EYS: variants seen among roughly 807,000 people sequenced by gnomAD.
EYS encodes protein eyes shut homolog.
A neutral mutation model predicts 282.1 loss-of-function variants in EYS; 250 were observed. That is an observed-to-expected ratio of 0.89 (90% CI 0.80 to 0.98). The LOEUF (loss-of-function observed/expected upper bound fraction) is 0.98. Among genes scored for constraint, EYS ranks in the 50% least tolerant of loss-of-function variants. The pLI is 0.00. For synonymous variants in EYS, 1,355 were observed against 1,282.9 expected, an observed-to-expected ratio of 1.06 and a Z score of -1.20; for missense variants, 4,016 against 3,709.0, an observed-to-expected ratio of 1.08 and a Z score of -2.15.
At position 65,277,453 on chromosome 6, in the gene EYS, TA is replaced by T. The variant is rs71268363; in HGVS notation, c.2023+18409del. On this transcript the variant is annotated intron_variant, in intron 12 of 42. Transcript: ENST00000503581. The stretch of plus-strand genomic sequence containing the variant: ...TCAAAAAAAAAAAAAGTTAATTAAT[TA>T]AAAAAAAAAGCGCCCCGGAAAACTT... Among the ~76,000 whole-genome samples the T allele has an allele frequency of 8.1e-4, 111 of 136,536 alleles. 1 individual carries two copies. The highest frequency in any genetic ancestry group is 2.6e-3 in the African/African-American group (99 of 37,818). 89.6% of individuals were successfully genotyped at this position (136,536 alleles called of 152,430 possible).
At chr6:63,925,699 A>T (rs1312860055) in intron 35 of EYS, among the ~76,000 whole-genome samples, 1 of 152,208 alleles carries the variant, frequency 6.6e-6, no homozygotes, top group Non-Finnish European at 1.5e-5. Context: ...GCTGGAGTGC[A>T]GTGGCACGAT....
chr6:64,666,783 C>T (rs1769244670), intron 22 of EYS, among the ~76,000 whole-genome samples: 1 of 152,184 alleles, frequency 6.6e-6, no homozygotes, highest in South Asian at 2.1e-4. Context: ...AATAACCAGT[C>T]TGTTTATCCT....
chr6:65,072,868 T>G (rs950221876), intron 12 of EYS, among the ~76,000 whole-genome samples: 3 of 150,790 alleles, frequency 2.0e-5, no homozygotes, highest in African/African-American at 7.3e-5. Flanking sequence ...TTGAGAGAAA[T>G]AGGCAAATAT....
chr6:64,392,166 C>G (rs548047940), intron 28 of EYS, among the ~76,000 whole-genome samples: 2 of 151,070 alleles, frequency 1.3e-5, no homozygotes, highest in Non-Finnish European at 2.9e-5. Flanking sequence ...GACTCCCACA[C>G]ATTAATAATG....
intron 30 of EYS, among the ~76,000 whole-genome samples, chr6:64,234,274 A>T (rs1766516883): frequency 6.6e-6 from 1 of 152,112 alleles, no homozygotes; most frequent in South Asian, 2.1e-4. Flanking sequence ...TTTTTACAAA[A>T]ATGAGAATAT....
At chr6:64,268,889 CT>C (rs1319645023) in intron 30 of EYS, among the ~76,000 whole-genome samples, 1 of 152,114 alleles carries the variant, frequency 6.6e-6, no homozygotes, top group Non-Finnish European at 1.5e-5. Flanking sequence ...TTGATAAATG[CT>C]GTTCATTGCC....
At chr6:64,102,889 CAT>C (rs1772879481) in intron 31 of EYS, among the ~76,000 whole-genome samples, 2 of 151,158 alleles carry the variant, frequency 1.3e-5, no homozygotes, top group African/African-American at 4.9e-5. Flanking sequence ...GAAATACAAA[CAT>C]ATCTTTTTTT....
intron 21 of EYS, among the ~76,000 whole-genome samples, chr6:64,814,670 T>C (rs1362474974): frequency 1.3e-5 from 2 of 151,962 alleles, no homozygotes; most frequent in Non-Finnish European, 2.9e-5. Context: ...ACTGAAAAGA[T>C]TTGCACCCAT....
intron 12 of EYS, among the ~76,000 whole-genome samples, chr6:65,219,639 T>C (rs2150258084): frequency 6.6e-6 from 1 of 152,198 alleles, no homozygotes. Context: ...TGAAATGAAA[T>C]AGCACAGAAG....
chr6:64,872,804 C>T (rs1218787654), intron 19 of EYS, among the ~76,000 whole-genome samples: 4 of 151,786 alleles, frequency 2.6e-5, no homozygotes, highest in Non-Finnish European at 5.9e-5. Context: ...TTTGCAATTC[C>T]CCCAGTACCT....
At chr6:64,416,391 T>G (rs2150447394) in intron 28 of EYS, among the ~76,000 whole-genome samples, 1 of 152,270 alleles carries the variant, frequency 6.6e-6, no homozygotes. Context: ...GCAGCTGAGC[T>G]TATGCCAAAT....
At chr6:64,268,297 G>A (rs1339957350) in intron 30 of EYS, among the ~76,000 whole-genome samples, 3 of 152,006 alleles carry the variant, frequency 2.0e-5, no homozygotes, top group Non-Finnish European at 2.9e-5. Flanking sequence ...AGGAAAACAA[G>A]AGGCTATATA....
At chr6:65,439,564 C>A (rs1475324313) in intron 5 of EYS, among the ~76,000 whole-genome samples, 1 of 152,134 alleles carries the variant, frequency 6.6e-6, no homozygotes, top group East Asian at 1.9e-4. Context: ...AGGTCCTCCA[C>A]ATCCCTTGTA....
chr6:64,023,478 T>C (rs1166287497), intron 33 of EYS, among the ~76,000 whole-genome samples: 1 of 152,278 alleles, frequency 6.6e-6, no homozygotes, highest in African/African-American at 2.4e-5. Flanking sequence ...AAATGTACAC[T>C]TATATTTTAC....
At chr6:64,774,078 A>T (rs1486401479) in intron 22 of EYS, among the ~76,000 whole-genome samples, 2 of 151,890 alleles carry the variant, frequency 1.3e-5, no homozygotes, top group Non-Finnish European at 2.9e-5. Flanking sequence ...CAAATCCCTT[A>T]TGAATTACCT....
chr6:65,397,374 C>T (rs1052865494), intron 7 of EYS, among the ~76,000 whole-genome samples: 1 of 151,978 alleles, frequency 6.6e-6, no homozygotes, highest in African/African-American at 2.4e-5. Context: ...CCCTCTCCCA[C>T]CATCCCACCT....
At chr6:65,513,625 G>T (rs1283858236) in intron 2 of EYS, among the ~76,000 whole-genome samples, 1 of 152,254 alleles carries the variant, frequency 6.6e-6, no homozygotes, top group Middle Eastern at 3.4e-3. Flanking sequence ...GGGATGCAAG[G>T]CTGGTTCAAT....
chr6:65,163,221 A>G (rs1261886162), intron 12 of EYS, among the ~76,000 whole-genome samples: 1 of 151,226 alleles, frequency 6.6e-6, no homozygotes, highest in East Asian at 2.0e-4. Flanking sequence ...ATTCTCTCCT[A>G]TGTATTTTAA....
intron 34 of EYS, among the ~76,000 whole-genome samples, chr6:63,991,718 T>C (rs1293969908): frequency 1.3e-5 from 2 of 151,450 alleles, no homozygotes; most frequent in Non-Finnish European, 3.0e-5. Flanking sequence ...ACTCCATAAA[T>C]ATGGGGAAGA....
Sources: gnomAD v4.1 joint callset for allele counts (sites outside exome capture counted in the v4.1 genomes callset) on GRCh38, gnomAD v4.1.1 for gene constraint, MANE v1.5 for transcripts, NCBI Gene and HGNC (gene_info 2026-07-23, HGNC 2026-07-21) for gene names.